Variants in SNRNP40 observed in about 807,000 individuals in gnomAD.
SNRNP40 encodes the protein U5 small nuclear ribonucleoprotein 40 kDa protein.
SNRNP40 carries 21 observed loss-of-function variants against 45.8 expected under a neutral mutation model. That is an observed-to-expected ratio of 0.46 (90% CI 0.32 to 0.66). The LOEUF (loss-of-function observed/expected upper bound fraction) is 0.66, where lower values mean the gene tolerates loss of function less well. SNRNP40 is among the 30% of genes least tolerant of loss of function. The pLI is 0.03. For missense variants in SNRNP40, 344 were observed against 439.1 expected (o/e 0.78, Z 1.94); for synonymous variants, 142 against 163.8 (o/e 0.87, Z 1.01).
chr1:31,281,296 C>G, intron 5 of SNRNP40, 78 bp downstream of exon 5: 1 of 1,280,154 alleles, frequency 7.8e-7, no homozygotes, highest in Non-Finnish European at 1.1e-6. Flanking sequence ...AAAGCTACCA[C>G]AATCTCAGAA....
chr1:31,282,460 T>C (rs749575184), intron 4 of SNRNP40: 2 of 142,824 alleles, frequency 1.4e-5, no homozygotes, highest in Non-Finnish European at 3.0e-5. Context: ...CACCGACATA[T>C]TCCTGGCTAT....
chr1:31,272,912 C>T (rs781701377), intron 5 of SNRNP40, among the ~76,000 whole-genome samples: 1 of 152,062 alleles, frequency 6.6e-6, no homozygotes, highest in Non-Finnish European at 1.5e-5. Context: ...AAATTTTCCC[C>T]CAATTTTATT....
rs1645910355 is a variant in SNRNP40 at position 31,267,855 on chromosome 1, A to C, written c.920+16T>G. 1.2e-6 allele frequency: 2 copies of C among 1,603,866 alleles called. No individual in the cohort carries two copies. The highest frequency in any genetic ancestry group is 1.7e-6 in the Non-Finnish European group (2 of 1,171,234). On this transcript the variant is annotated intron_variant, in intron 8 of 9. Transcript: ENST00000263694. The stretch of plus-strand genomic sequence containing the variant: ...CCAGCTACATCATTCTTTACTTTGC[A>C]CCCACTAATCCTTACCTGTCGGCTG...
chr1:31,294,591 C>G (rs901418410), intron 1 of SNRNP40, among the ~76,000 whole-genome samples: 16 of 151,864 alleles, frequency 1.1e-4, no homozygotes, highest in Non-Finnish European at 7.4e-5. Context: ...TCCCGAGTGG[C>G]TGGGATTACA....
At chr1:31,286,811 C>T (rs943335815) in intron 4 of SNRNP40, among the ~76,000 whole-genome samples, 21 of 152,184 alleles carry the variant, frequency 1.4e-4, no homozygotes, top group Admixed American at 1.1e-3. Flanking sequence ...CTCCTTACCA[C>T]ACTTGTGCTC....
At chr1:31,287,802 AGCCT>A (rs1375713212) in intron 4 of SNRNP40, among the ~76,000 whole-genome samples, 1 of 152,198 alleles carries the variant, frequency 6.6e-6, no homozygotes, top group East Asian at 1.9e-4. Context: ...GTTTGAGACC[AGCCT>A]GGCCAATATG....
Position 31,267,818 on chromosome 1 carries a change from C to G in SNRNP40, c.920+53G>C, listed in dbSNP as rs1055130261. The G allele has an allele frequency of 2.8e-5, 39 of 1,396,070 alleles. No individual in the cohort carries two copies. The African/African-American group carries it at 5.0e-4, about 18-fold the overall frequency. 86.5% of individuals were successfully genotyped at this position (1,396,070 alleles called of 1,614,324 possible). A position where few individuals can be genotyped will look rare whatever the true frequency, so the allele number is the denominator to read the frequency against. On this transcript the variant is annotated intron_variant, in intron 8 of 9. Transcript: ENST00000263694. ...AAGTGCTGGGATTGCAGGCACGAGC[C>G]ACCGCATCCGGCCAGCTACATCATT... is the stretch of plus-strand genomic sequence containing the variant.
intron 1 of SNRNP40, among the ~76,000 whole-genome samples, chr1:31,294,811 G>C (rs957275404): frequency 1.3e-5 from 2 of 151,760 alleles, no homozygotes; most frequent in South Asian, 2.1e-4. Flanking sequence ...GCATGGTGGC[G>C]GGCGCCTGTA....
chr1:31,287,294 A>G (rs1429014306), intron 4 of SNRNP40, among the ~76,000 whole-genome samples: 3 of 152,228 alleles, frequency 2.0e-5, no homozygotes, highest in African/African-American at 7.2e-5. Context: ...CTGGTTAAAA[A>G]GCAGTCATCT....
intron 4 of SNRNP40, among the ~76,000 whole-genome samples, chr1:31,288,709 A>G (rs546338901): frequency 2.0e-5 from 3 of 148,534 alleles, no homozygotes; most frequent in East Asian, 2.0e-4. Context: ...GGAGATACTC[A>G]TAACAGCCTT....
intron 5 of SNRNP40, among the ~76,000 whole-genome samples, chr1:31,274,069 T>A (rs761344705): frequency 6.6e-6 from 1 of 152,046 alleles, no homozygotes; most frequent in African/African-American, 2.4e-5. Context: ...TGTAGGAGAT[T>A]AGGCACCCAG....
At chr1:31,261,427 G>A in intron 9 of SNRNP40, 102 bp downstream of exon 9, 1 of 725,486 alleles carries the variant, frequency 1.4e-6, no homozygotes, top group South Asian at 1.7e-5. Context: ...CTGTTTGCAT[G>A]GAAATTCGTA....
In SNRNP40 at chr1:31,281,411, T is replaced by C. The variant is rs1178686208; in HGVS notation, c.617A>G (p.Asp206Gly). ...GTCTATTCCACCAGAAATAATCTGA[T>C]CACTTGTGTCATTGAAGGTCACAGC... Reference protein sequence around the residue: ...VLAVTFNDTSDQIISGGIDND... With the variant: ...VLAVTFNDTSGQIISGGIDND... The change falls in exon 5 of 10, where the codon GAT becomes GGT. Residue 206 changes from aspartate to glycine, a missense_variant. Asp to Gly is a moderately conservative substitution (Grantham distance 94). Transcript: ENST00000263694. 4.4e-6 allele frequency: 7 copies of C among 1,607,108 alleles called. No homozygotes were observed. The highest frequency in any genetic ancestry group is 6.0e-6 in the Non-Finnish European group (7 of 1,174,246).
intron 2 of SNRNP40, 184 bp downstream of exon 2, chr1:31,293,035 C>T (rs1646117929): frequency 8.1e-6 from 5 of 614,274 alleles, no homozygotes; most frequent in East Asian, 2.9e-5. Context: ...TGTATTTACC[C>T]CATGGACTCC....
intron 5 of SNRNP40, among the ~76,000 whole-genome samples, chr1:31,280,987 C>T (rs1646012781): frequency 6.6e-6 from 1 of 152,090 alleles, no homozygotes. Context: ...AACTCTCTTT[C>T]CATAGTGTCA....
intron 2 of SNRNP40, 42 bp from the exon 3 acceptor site, chr1:31,292,048 G>C: frequency 7.7e-7 from 1 of 1,301,976 alleles, no homozygotes; most frequent in Non-Finnish European, 1.1e-6. Flanking sequence ...TAGGCAAAGG[G>C]TACTTATAAA....
At chr1:31,287,982 G>T (rs545980504) in intron 4 of SNRNP40, among the ~76,000 whole-genome samples, 1 of 152,088 alleles carries the variant, frequency 6.6e-6, no homozygotes, top group Non-Finnish European at 1.5e-5. Flanking sequence ...GGGCAACATG[G>T]TGAAACCCCA....
rs754250681 is a variant in SNRNP40, at chr1:31,260,004, A to G, written c.*68T>C. 13 of 1,151,918 alleles carry G rather than the reference A, an allele frequency of 1.1e-5. No homozygotes were observed. Among genetic ancestry groups the G allele is most frequent in the South Asian group, 2.5e-5 (2 of 81,554 alleles). The allele number at this position is 1,151,918 out of a possible 1,614,324, so 71.4% of individuals were successfully genotyped here. On this transcript the variant is annotated 3_prime_UTR_variant, in exon 10 of 10. Coordinates refer to ENST00000263694, the MANE Select transcript of SNRNP40 (RefSeq NM_004814.3). ...GAGGGTGCTAGCCTGGACATCCAAC[A>G]TTTGGCATCACTTATGCAGTCTGAG...
At chr1:31,275,039 C>T (rs1315499288) in intron 5 of SNRNP40, among the ~76,000 whole-genome samples, 2 of 152,034 alleles carry the variant, frequency 1.3e-5, no homozygotes, top group Non-Finnish European at 2.9e-5. Flanking sequence ...ACTGGTAAGC[C>T]TCTAGGTGCT....
Sources: gnomAD v4.1 joint callset for allele counts (sites outside exome capture counted in the v4.1 genomes callset) on GRCh38, gnomAD v4.1.1 for gene constraint, MANE v1.5 for transcripts, NCBI Gene and HGNC (gene_info 2026-07-23, HGNC 2026-07-21) for gene names.